The following SPMIP8 variants were observed in gnomAD, a reference collection of about 807,000 sequenced individuals.
SPMIP8 encodes testicular tissue protein Li 196.
the SPMIP8 span, among the ~76,000 whole-genome samples, chr16:57,977,366 C>T: frequency 1.2e-4 from 16 of 132,174 alleles, no homozygotes; most frequent in South Asian, 2.4e-4. Context: ...GCCAAGATGG[C>T]GCCACTGTAC....
the SPMIP8 span, among the ~76,000 whole-genome samples, chr16:57,981,105 G>T: frequency 6.6e-6 from 1 of 152,122 alleles, no homozygotes; most frequent in South Asian, 2.1e-4. Context: ...TCTTGGCCGG[G>T]CGTGGCGGTT....
At chr16:57,984,360 G>A in the SPMIP8 span, 1 of 1,614,230 alleles carries the variant, frequency 6.2e-7, no homozygotes, top group Non-Finnish European at 8.5e-7. Context: ...CCCCTGCAGT[G>A]TTTGGTGAGT....
At chr16:57,985,309 G>C in the SPMIP8 span, 1 of 1,555,790 alleles carries the variant, frequency 6.4e-7, no homozygotes, top group Non-Finnish European at 8.7e-7. Flanking sequence ...AGCGGGGAGC[G>C]GGGGTCCTGG....
the SPMIP8 span, chr16:57,977,753 A>G: frequency 6.5e-7 from 1 of 1,544,346 alleles, no homozygotes. Context: ...GTTTTCATGC[A>G]GAGAAGGGTG....
the SPMIP8 span, chr16:57,984,942 G>C: frequency 7.7e-7 from 1 of 1,299,730 alleles, no homozygotes; most frequent in East Asian, 2.6e-5. Context: ...AGATGAAGCT[G>C]TGGCACTTGC....
At chr16:57,979,852 G>A in the SPMIP8 span, among the ~76,000 whole-genome samples, 1 of 152,220 alleles carries the variant, frequency 6.6e-6, no homozygotes. Flanking sequence ...CAGATCACGT[G>A]AGGTCAGAAG....
chr16:57,978,187 GCT>G, the SPMIP8 span: 5 of 851,600 alleles, frequency 5.9e-6, no homozygotes, highest in Non-Finnish European at 8.9e-6. Flanking sequence ...TCTGTTTACT[GCT>G]CAGTACAATG....
chr16:57,985,892 GC>G, the SPMIP8 span: 2 of 1,609,802 alleles, frequency 1.2e-6, no homozygotes, highest in Non-Finnish European at 8.5e-7. Flanking sequence ...GTGCTCACCC[GC>G]CCCGTTCTTT....
chr16:57,981,392 A>AATAATTATTATTATTATTATTATT, the SPMIP8 span, among the ~76,000 whole-genome samples: 1 of 83,586 alleles, frequency 1.2e-5, no homozygotes, highest in Non-Finnish European at 3.0e-5. Flanking sequence ...TAATAATAAT[A>AATAATTATTATTATTATTATTATT]ATTATTATTA....
At chr16:57,985,837 C>G in the SPMIP8 span, 5 of 1,533,070 alleles carry the variant, frequency 3.3e-6, no homozygotes, top group African/African-American at 6.9e-5. Flanking sequence ...GGGTGGCTCC[C>G]GAGGTCGAGT....
chr16:57,979,592 C>T, the SPMIP8 span, among the ~76,000 whole-genome samples: 194 of 152,310 alleles, frequency 1.3e-3, no homozygotes, highest in African/African-American at 4.4e-3. Flanking sequence ...AACTTCAAAG[C>T]TCAAAATGCT....
chr16:57,982,090 T>C, the SPMIP8 span, among the ~76,000 whole-genome samples: 1 of 152,204 alleles, frequency 6.6e-6, no homozygotes, highest in Non-Finnish European at 1.5e-5. Context: ...CTTCAGTTGA[T>C]TTTTGCCATA....
the SPMIP8 span, among the ~76,000 whole-genome samples, chr16:57,980,086 A>T: frequency 6.6e-6 from 1 of 152,150 alleles, no homozygotes; most frequent in African/African-American, 2.4e-5. Context: ...ATAAATGTAT[A>T]AGTTTAGAAA....
chr16:57,985,349 G>C, the SPMIP8 span: 890,642 of 1,573,534 alleles, frequency 0.57, 261,304 homozygotes, highest in Non-Finnish European at 0.61. Flanking sequence ...GGGGTTGAGG[G>C]GGGAGGAGAC....
chr16:57,979,260 G>A, the SPMIP8 span, among the ~76,000 whole-genome samples: 85 of 152,168 alleles, frequency 5.6e-4, no homozygotes, highest in Non-Finnish European at 1.1e-3. Context: ...GGTGACAGGT[G>A]GGCTGAGGGT....
At chr16:57,985,140 A>G in the SPMIP8 span, 1 of 1,360,078 alleles carries the variant, frequency 7.4e-7, no homozygotes, top group Non-Finnish European at 9.4e-7. Flanking sequence ...CGGGGCTTAG[A>G]TGAGGAGGCG....
the SPMIP8 span, chr16:57,985,224 A>G: frequency 6.5e-7 from 1 of 1,546,948 alleles, no homozygotes; most frequent in Non-Finnish European, 8.7e-7. Flanking sequence ...CTCAGCGGCT[A>G]CGCGGTGCGG....
At chr16:57,986,358 A>AACAAGAGTTCTTATCTCCAAGATAAGC in the SPMIP8 span, 26 of 167,896 alleles carry the variant, frequency 1.5e-4, no homozygotes, top group Non-Finnish European at 6.3e-5. Flanking sequence ...ATAAGATAAG[A>AACAAGAGTTCTTATCTCCAAGATAAGC]ACAAGAGTTC....
chr16:57,978,913 A>G, the SPMIP8 span, among the ~76,000 whole-genome samples: 1 of 152,150 alleles, frequency 6.6e-6, no homozygotes, highest in Admixed American at 6.5e-5. Flanking sequence ...CACTGTGCCT[A>G]GCCTGTTGTA....
Sources: allele counts gnomAD v4.1 joint callset (sites outside exome capture counted in the v4.1 genomes callset), GRCh38; gene constraint gnomAD v4.1.1; transcripts MANE v1.5; gene names NCBI Gene and HGNC (gene_info 2026-07-23, HGNC 2026-07-21).